The following FGFR1 variants were observed in gnomAD, a reference collection of about 807,000 sequenced individuals.
FGFR1 encodes the protein FGFR1/PLAG1 fusion.
A neutral mutation model predicts 93.7 loss-of-function variants in FGFR1; 18 were observed. The observed-to-expected ratio is 0.19, with a 90% CI of 0.13 to 0.28. The LOEUF (loss-of-function observed/expected upper bound fraction) is 0.28. FGFR1 is among the 10% of genes least tolerant of loss of function. The pLI is 1.00. For synonymous variants in FGFR1, 448 were observed against 429.3 expected (o/e 1.04, Z -0.54); for missense variants, 731 against 1,080.4 (o/e 0.68, Z 4.53).
chr8:38,465,281 T>G (rs1330351166), intron 1 of FGFR1: 1 of 232,176 alleles, frequency 4.3e-6, no homozygotes, highest in East Asian at 6.1e-5. Flanking sequence ...GTGCCCACTC[T>G]GGCCTGAATT....
At chr8:38,431,371 C>T (rs942995172) in intron 2 of FGFR1, among the ~76,000 whole-genome samples, 3 of 152,214 alleles carry the variant, frequency 2.0e-5, no homozygotes, top group South Asian at 2.1e-4. Context: ...AACCTGAGTG[C>T]GGTGATGTGT....
intron 2 of FGFR1, among the ~76,000 whole-genome samples, chr8:38,443,027 G>T (rs559616409): frequency 1.3e-5 from 2 of 152,192 alleles, no homozygotes; most frequent in African/African-American, 4.8e-5. Flanking sequence ...CACACGATGA[G>T]ACTAAAGACA....
At position 38,457,536 on chromosome 8, in the gene FGFR1, TGAGGA is replaced by T; in HGVS notation, c.-88-7_-88-3del. The T allele has an allele frequency of 1.9e-6, 3 of 1,580,728 alleles. No individual in the cohort carries two copies. Among genetic ancestry groups the T allele is most frequent in the Non-Finnish European group, 2.6e-6 (3 of 1,164,622 alleles). ...TCGATCCTCCTTTTCAAACTGACCC[TGAGGA>T]AAGGAAAAAAACCCCAAAAGTTAGG... On this transcript the variant is annotated splice_region_variant and splice_polypyrimidine_tract_variant and intron_variant, in intron 1 of 17. Transcript: ENST00000447712.
intron 1 of FGFR1, among the ~76,000 whole-genome samples, chr8:38,458,513 C>A (rs888052620): frequency 2.0e-5 from 3 of 151,934 alleles, no homozygotes; most frequent in Non-Finnish European, 4.4e-5. Context: ...TGCACTACAG[C>A]CTAGGTGACA....
At chr8:38,423,165 A>ATCCCCGAATGC (rs1181160071) in intron 7 of FGFR1, 1 of 779,260 alleles carries the variant, frequency 1.3e-6, no homozygotes, top group African/African-American at 1.7e-5. Flanking sequence ...CGAGCTATTA[A>ATCCCCGAATGC]TCCCCGAATG....
In FGFR1 at chr8:38,424,415, G is replaced by A. The variant is rs574977247; in HGVS notation, c.936+94C>T. 46 of 1,359,054 alleles carry A rather than the reference G, an allele frequency of 3.4e-5. No individual in the cohort carries two copies. Among genetic ancestry groups the A allele is most frequent in the East Asian group, 1.1e-4 (5 of 43,578 alleles). 84.2% of individuals were successfully genotyped at this position (1,359,054 alleles called of 1,614,324 possible). A position where few individuals can be genotyped will look rare whatever the true frequency, so the allele number is the denominator to read the frequency against. On this transcript the variant is annotated intron_variant, in intron 7 of 17. Coordinates refer to ENST00000447712, the MANE Select transcript of FGFR1 (RefSeq NM_023110.3). This position sits in a 1 kb window ranked among gnomAD's most constrained non-coding sequence, Gnocchi z 4.3. ...TGAAGCGTGAGGAATGATCCCATTCGGGGGCAACTGAGCCTGCCCACAGGA... is the reference window on the plus strand; with the variant it reads ...TGAAGCGTGAGGAATGATCCCATTCAGGGGCAACTGAGCCTGCCCACAGGA...
At chr8:38,457,565 G>A (rs2151355100) in intron 1 of FGFR1, 31 bp from the exon 2 acceptor site, 1 of 1,547,442 alleles carries the variant, frequency 6.5e-7, no homozygotes, top group Non-Finnish European at 8.7e-7. Context: ...CCAAAAGTTA[G>A]GAGGGTCTAG....
chr8:38,445,205 A>T (rs1828918814), intron 2 of FGFR1, among the ~76,000 whole-genome samples: 2 of 152,310 alleles, frequency 1.3e-5, no homozygotes, highest in Admixed American at 6.5e-5. Flanking sequence ...AGAGCCCTCA[A>T]CTGTCCTTGA....
intron 2 of FGFR1, among the ~76,000 whole-genome samples, chr8:38,444,440 G>C (rs907515491): frequency 6.7e-6 from 1 of 149,132 alleles, no homozygotes; most frequent in Admixed American, 6.7e-5. Flanking sequence ...CCAGGCTAAA[G>C]AACAGTGCCA....
rs977735448 is a variant in FGFR1, at chr8:38,411,386, T to G, written c.*2242A>C. On this transcript the variant is annotated 3_prime_UTR_variant, in exon 18 of 18. Transcript: ENST00000447712. ...CAAGGAAAGACACTCCTGTGCGGTCTCAAAGCAAATGCTTTTAAGAGCTAA... is the reference window on the plus strand; with the variant it reads ...CAAGGAAAGACACTCCTGTGCGGTCGCAAAGCAAATGCTTTTAAGAGCTAA... 1 of 221,142 alleles carries G rather than the reference T, an allele frequency of 4.5e-6. No individual in the cohort carries two copies. The highest frequency in any genetic ancestry group is 2.2e-5 in the African/African-American group (1 of 44,704). 13.7% of individuals were successfully genotyped at this position (221,142 alleles called of 1,614,324 possible). A position where few individuals can be genotyped will look rare whatever the true frequency, so the allele number is the denominator to read the frequency against.
chr8:38,456,213 T>C (rs975433259), intron 2 of FGFR1, among the ~76,000 whole-genome samples: 8 of 152,160 alleles, frequency 5.3e-5, no homozygotes, highest in African/African-American at 1.7e-4. Flanking sequence ...GTCAACCTTC[T>C]CTGTGTGACC....
chr8:38,465,883 G>A (rs986487948), intron 1 of FGFR1: 2 of 224,322 alleles, frequency 8.9e-6, no homozygotes, highest in East Asian at 6.4e-5. Flanking sequence ...ATCTGCGGAG[G>A]AAACAGTCAC....
At chr8:38,446,454 G>A (rs1829324801) in intron 2 of FGFR1, among the ~76,000 whole-genome samples, 1 of 151,360 alleles carries the variant, frequency 6.6e-6, no homozygotes, top group African/African-American at 2.4e-5. Context: ...CAGGCAATCA[G>A]CCCACCTTGG....
At position 38,430,234 on chromosome 8, in the gene FGFR1, G is replaced by GGAT. The variant is rs10678546; in HGVS notation, c.92-287_92-286insATC. ...GGAAGCAGCTGTAGCAGCATTAAGC[G>GGAT]CATTTCATTTCCCCCATCCTAAGGG... On this transcript the variant is annotated intron_variant, in intron 2 of 17. Coordinates refer to ENST00000447712, the MANE Select transcript of FGFR1 (RefSeq NM_023110.3). The GGAT allele has an allele frequency of 6.6e-6, 3 of 453,338 alleles. No individual in the cohort carries two copies. In the East Asian group the frequency reaches 1.1e-4, roughly 16 times the overall value. The allele number at this position is 453,338 out of a possible 1,614,324, so 28.1% of individuals were successfully genotyped here.
chr8:38,464,038 G>T (rs990268162), intron 1 of FGFR1, among the ~76,000 whole-genome samples: 35 of 152,118 alleles, frequency 2.3e-4, no homozygotes, highest in African/African-American at 8.4e-4. Flanking sequence ...TAAGTGGTCA[G>T]GCACAATGGC....
rs951957927 is a variant in FGFR1, at chr8:38,463,488, G to A, written c.-89+4493C>T. The A allele has an allele frequency of 3.2e-5, 7 of 217,076 alleles. No individual in the cohort carries two copies. The East Asian group carries it at 3.4e-4, about 11-fold the overall frequency. 13.4% of individuals were successfully genotyped at this position (217,076 alleles called of 1,614,324 possible). A position where few individuals can be genotyped will look rare whatever the true frequency, so the allele number is the denominator to read the frequency against. On this transcript the variant is annotated intron_variant, in intron 1 of 17. Transcript: ENST00000447712. ...GTTCTTCATTCTCTTCTCTCCCCACGAAACTGCAGGCTCCTTCAGAACAGG... is the reference window on the plus strand; with the variant it reads ...GTTCTTCATTCTCTTCTCTCCCCACAAAACTGCAGGCTCCTTCAGAACAGG...
chr8:38,421,598 G>C lies in FGFR1; in HGVS notation c.1081+199C>G, dbSNP rs571599902. 9 of 669,838 alleles carry C rather than the reference G, an allele frequency of 1.3e-5. No individual in the cohort carries two copies. In the Admixed American group the frequency reaches 1.5e-4, roughly 11 times the overall value. 41.5% of individuals were successfully genotyped at this position (669,838 alleles called of 1,614,324 possible). ...AGGTGTACGGGTGGGAGGCCTCCGTGCGCCTGCAAAACTAGGGAAGCTCTT... is the reference window on the plus strand; with the variant it reads ...AGGTGTACGGGTGGGAGGCCTCCGTCCGCCTGCAAAACTAGGGAAGCTCTT... On this transcript the variant is annotated intron_variant, in intron 8 of 17. Coordinates refer to ENST00000447712, the MANE Select transcript of FGFR1 (RefSeq NM_023110.3).
chr8:38,419,573 T>C lies in FGFR1; in HGVS notation c.1244A>G (p.His415Arg), dbSNP rs2150706408. 6.2e-7 allele frequency: 1 copy of C among 1,614,124 alleles called. No individual in the cohort carries two copies. Reference protein sequence around the residue: ...KSDFHSQMAVHKLAKSIPLRR... With the variant: ...KSDFHSQMAVRKLAKSIPLRR... ...CAGAGGGATGCTCTTGGCCAGCTTG[T>C]GCACAGCCATCTGGCTGTGGAAGTC... The change falls in exon 9 of 18, where the codon CAC (histidine) becomes CGC (arginine). Residue 415 changes from histidine to arginine, a missense_variant. By Grantham distance (29) the His-to-Arg change is conservative (BLOSUM62 0). Around this residue, in one of 10 missense-constraint regions of FGFR1, gnomAD observed 146 missense variants for 173.0 expected, o/e 0.84. Transcript: ENST00000447712.
At chr8:38,435,658 A>AT (rs1825100054) in intron 2 of FGFR1, 1 of 152,142 alleles carries the variant, frequency 6.6e-6, no homozygotes, top group Non-Finnish European at 1.5e-5. Flanking sequence ...TTATGTCCTC[A>AT]TTAGAAAGGT....
Sources: allele counts gnomAD v4.1 joint callset (sites outside exome capture counted in the v4.1 genomes callset), GRCh38; gene constraint gnomAD v4.1.1; regional missense constraint gnomAD v4.1.1; non-coding constraint Gnocchi (gnomAD v3.1); transcripts MANE v1.5; gene names NCBI Gene and HGNC (gene_info 2026-07-23, HGNC 2026-07-21).